Variants in ELL2 observed in about 807,000 individuals in gnomAD.
The protein encoded by ELL2 is RNA polymerase II elongation factor ELL2.
In ELL2, 21 loss-of-function variants were observed where a neutral mutation model predicts 72.8. The ratio of observed to expected loss-of-function variants is 0.29; its 90% confidence interval spans 0.20 to 0.42. The LOEUF is 0.42. Ranked by LOEUF, ELL2 falls within the 10% of genes least tolerant of loss-of-function variation. The probability of loss-of-function intolerance (pLI) is 1.00; values close to 1 mark genes in which losing one functional copy is unlikely to be tolerated. For synonymous variants in ELL2, 266 were observed against 283.2 expected, an observed-to-expected ratio of 0.94 and a Z score of 0.61; for missense variants, 568 against 772.8, an observed-to-expected ratio of 0.73 and a Z score of 3.14.
At chr5:95,897,601 T>C (rs2112274712) in intron 8 of ELL2, among the ~76,000 whole-genome samples, 1 of 152,314 alleles carries the variant, frequency 6.6e-6, no homozygotes, top group Middle Eastern at 3.4e-3. Context: ...ATGGCTAATT[T>C]TACAAATAAC....
At chr5:95,892,053 C>A (rs1345617693) in intron 9 of ELL2, among the ~76,000 whole-genome samples, 2 of 152,082 alleles carry the variant, frequency 1.3e-5, no homozygotes, top group African/African-American at 4.8e-5. Flanking sequence ...TTACTCTTAA[C>A]TGGTAAGAGA....
chr5:95,937,389 T>C (rs1375190108), intron 2 of ELL2, among the ~76,000 whole-genome samples: 1 of 152,132 alleles, frequency 6.6e-6, no homozygotes, highest in Non-Finnish European at 1.5e-5. Flanking sequence ...GATTCAATTA[T>C]TGTGTGAGAA....
Position 95,891,151 on chromosome 5 carries a change from T to C in ELL2, c.1713A>G (p.Lys571=), listed in dbSNP as rs1274696805. The part of the protein sequence containing the change: ...RMETVARRFI[K]LDAQRKRLSP... ...AAAGGCGCTTTCTTTGTGCATCTAG[T>C]TTGATAAATCTTCTAGCTACAGTCT... is the stretch of plus-strand genomic sequence containing the variant. Residue 571 remains lysine, a synonymous_variant, in exon 10 of 12, where the codon AAA becomes AAG. Transcript: ENST00000237853. 2 of 1,614,174 alleles carry C rather than the reference T, an allele frequency of 1.2e-6. No homozygotes were observed. Among genetic ancestry groups the C allele is most frequent in the Admixed American group, 3.3e-5 (2 of 60,028 alleles).
chr5:95,900,159 T>A (rs1314989306), intron 7 of ELL2: 1 of 152,180 alleles, frequency 6.6e-6, no homozygotes, highest in African/African-American at 2.4e-5. Context: ...CTCACCTTTT[T>A]CTTGGATGAG....
chr5:95,955,140 G>A (rs1028862348), intron 1 of ELL2, among the ~76,000 whole-genome samples: 3 of 151,958 alleles, frequency 2.0e-5, no homozygotes, highest in African/African-American at 7.3e-5. Flanking sequence ...TGGAGATGTG[G>A]TCCCCATCCA....
chr5:95,933,339 G>A (rs902817045), intron 2 of ELL2, among the ~76,000 whole-genome samples: 1 of 152,092 alleles, frequency 6.6e-6, no homozygotes, highest in African/African-American at 2.4e-5. Flanking sequence ...TTATGCACAC[G>A]GATTTTAATC....
At chr5:95,952,396 A>C (rs1751449542) in intron 1 of ELL2, among the ~76,000 whole-genome samples, 1 of 152,028 alleles carries the variant, frequency 6.6e-6, no homozygotes, top group Non-Finnish European at 1.5e-5. Flanking sequence ...TGTACACCAA[A>C]CCCCCATGAC....
intron 5 of ELL2, among the ~76,000 whole-genome samples, chr5:95,902,024 A>G (rs1749162242): frequency 6.6e-6 from 1 of 152,242 alleles, no homozygotes; most frequent in African/African-American, 2.4e-5. Context: ...GAAACCCCAG[A>G]AAGTGAAACC....
At chr5:95,945,289 AC>A (rs1334252753) in intron 1 of ELL2, among the ~76,000 whole-genome samples, 2 of 152,166 alleles carry the variant, frequency 1.3e-5, no homozygotes, top group Non-Finnish European at 2.9e-5. Context: ...CAGGCTCGCC[AC>A]CTTAAAATTA....
chr5:95,900,685 T>C lies in ELL2; in HGVS notation c.954+8A>G, dbSNP rs376836767. 1.9e-6 allele frequency: 3 copies of C among 1,577,958 alleles called. No homozygotes were observed. The highest frequency in any genetic ancestry group is 2.7e-5 in the African/African-American group (2 of 73,294). On this transcript the variant is annotated splice_region_variant and intron_variant, in intron 7 of 11. Transcript: ENST00000237853. ...TGTCAGGTCTATAATTCTATGTTTA[T>C]GACATACCTGAGGAGAAGATACAGC...
intron 1 of ELL2, among the ~76,000 whole-genome samples, chr5:95,947,884 TC>T (rs1344602220): frequency 6.7e-6 from 1 of 149,412 alleles, no homozygotes; most frequent in Non-Finnish European, 1.5e-5. Context: ...AGTTTTTTTT[TC>T]CTTTAAGGAT....
At chr5:95,933,215 T>C (rs1750658384) in intron 2 of ELL2, among the ~76,000 whole-genome samples, 1 of 152,138 alleles carries the variant, frequency 6.6e-6, no homozygotes, top group Admixed American at 6.6e-5. Context: ...GGGTGGGGGA[T>C]TCAGATGGGA....
chr5:95,939,821 T>C (rs1433561023), intron 2 of ELL2, among the ~76,000 whole-genome samples: 1 of 152,254 alleles, frequency 6.6e-6, no homozygotes, highest in Non-Finnish European at 1.5e-5. Flanking sequence ...TTTTGGAAAT[T>C]GGGTGCATTA....
intron 2 of ELL2, among the ~76,000 whole-genome samples, chr5:95,922,728 TAA>T (rs1189277021): frequency 1.3e-5 from 2 of 152,238 alleles, no homozygotes; most frequent in Non-Finnish European, 2.9e-5. Context: ...TCTTGTTTTT[TAA>T]AAGTCTCTTC....
intron 2 of ELL2, among the ~76,000 whole-genome samples, chr5:95,937,235 C>T (rs770126863): frequency 6.6e-6 from 1 of 152,044 alleles, no homozygotes; most frequent in Non-Finnish European, 1.5e-5. Context: ...GGGTATGATC[C>T]GTGAGTACTT....
chr5:95,888,700 T>C lies in ELL2; in HGVS notation c.*171A>G. On this transcript the variant is annotated 3_prime_UTR_variant, in exon 12 of 12. Coordinates refer to ENST00000237853, the MANE Select transcript of ELL2 (RefSeq NM_012081.6). ...GGTGGGGAGGACCAGAAAGAGCAGC[T>C]TCGAAATGCAGGGAAGCAAAGTAAA... 2.1e-6 allele frequency: 1 copy of C among 467,192 alleles called. No individual in the cohort carries two copies. The highest frequency in any genetic ancestry group is 4.6e-5 in the South Asian group (1 of 21,948). The allele number at this position is 467,192 out of a possible 1,614,324, so 28.9% of individuals were successfully genotyped here. A position where few individuals can be genotyped will look rare whatever the true frequency, so the allele number is the denominator to read the frequency against.
chr5:95,895,532 A>G (rs927677944), intron 9 of ELL2, 96 bp downstream of exon 9: 2 of 1,172,010 alleles, frequency 1.7e-6, no homozygotes, highest in Admixed American at 3.7e-5. Flanking sequence ...CTATTTCTGG[A>G]ACTTCTTACT....
chr5:95,895,925 C>T (rs1427244950), intron 8 of ELL2, among the ~76,000 whole-genome samples: 1 of 152,228 alleles, frequency 6.6e-6, no homozygotes, highest in East Asian at 1.9e-4. Context: ...ACTGCAGTGT[C>T]TGCACAATAA....
Position 95,961,698 on chromosome 5 carries a change from G to A in ELL2, c.24C>T (p.Gly8=). 2.5e-6 allele frequency: 4 copies of A among 1,602,436 alleles called. No individual in the cohort carries two copies. The highest frequency in any genetic ancestry group is 3.4e-6 in the Non-Finnish European group (4 of 1,175,704). MAAGGTG[G]LREEQRYGLS... ...GCCCATAGCGCTGCTCCTCCCGCAG[G>A]CCCCCTGTCCCCCCCGCCGCCATCT... Residue 8 remains glycine (G), a synonymous_variant, in exon 1 of 12, where the codon GGC becomes GGT. Transcript: ENST00000237853.
Sources: gnomAD v4.1 joint callset for allele counts (sites outside exome capture counted in the v4.1 genomes callset) on GRCh38, gnomAD v4.1.1 for gene constraint, MANE v1.5 for transcripts, NCBI Gene and HGNC (gene_info 2026-07-23, HGNC 2026-07-21) for gene names.